Variants in ARHGAP45 observed in about 807,000 individuals in gnomAD.
ARHGAP45 encodes the protein rho GTPase-activating protein 45.
In ARHGAP45, 56 loss-of-function variants were observed where a neutral mutation model predicts 116.1. The observed-to-expected ratio is 0.48, with a 90% CI of 0.39 to 0.60. ARHGAP45 has a LOEUF of 0.60. Among genes scored for constraint, ARHGAP45 ranks in the 20% least tolerant of loss-of-function variants. The probability of loss-of-function intolerance (pLI) is 0.00; values close to 1 mark genes in which losing one functional copy is unlikely to be tolerated. For missense variants in ARHGAP45, 1,622 were observed against 1,601.0 expected, an observed-to-expected ratio of 1.01 and a Z score of -0.22; for synonymous variants, 866 against 701.7, an observed-to-expected ratio of 1.23 and a Z score of -3.70.
Position 1,080,454 on chromosome 19 carries a change from C to CT in ARHGAP45, c.1829-7dup. On this transcript the variant is annotated splice_polypyrimidine_tract_variant and intron_variant, in intron 14 of 22. Coordinates refer to ENST00000313093, the MANE Select transcript of ARHGAP45 (RefSeq NM_012292.5). ...CCCTGGCCCTTCACCAGAGACGCCT[C>CT]TTTCTCCAGCCGGGCGAGGACACCA... 1 of 1,612,586 alleles carries CT rather than the reference C, an allele frequency of 6.2e-7. No homozygotes were observed. Among genetic ancestry groups the CT allele is most frequent in the Non-Finnish European group, 8.5e-7 (1 of 1,179,868 alleles).
rs1159163562 is a variant in ARHGAP45, at chr19:1,074,422, G to A, written c.993+15G>A. The A allele has an allele frequency of 6.6e-7, 1 of 1,520,152 alleles. No homozygotes were observed. The highest frequency in any genetic ancestry group is 1.3e-5 in the South Asian group (1 of 79,132). The allele number at this position is 1,520,152 out of a possible 1,614,324, so 94.2% of individuals were successfully genotyped here. A position where few individuals can be genotyped will look rare whatever the true frequency, so the allele number is the denominator to read the frequency against. On this transcript the variant is annotated intron_variant, in intron 8 of 22. Transcript: ENST00000313093. Reference sequence around the variant, plus strand: ...TCATGCAGGAGGTGGGGGCCCCGCGGGCACGGGGCGGGGGTCCCTGGGCCC... The same window carrying A: ...TCATGCAGGAGGTGGGGGCCCCGCGAGCACGGGGCGGGGGTCCCTGGGCCC...
Position 1,078,074 on chromosome 19 carries a change from G to A in ARHGAP45, c.1374+29G>A, listed in dbSNP as rs1372361519. On this transcript the variant is annotated intron_variant, in intron 11 of 22. Coordinates refer to ENST00000313093, the MANE Select transcript of ARHGAP45 (RefSeq NM_012292.5). ...AGGGCGGGTGGAGGCAGGGCTGGAG[G>A]TCCCTGGAGGAGGAGATCCAATGCT... 2.6e-6 allele frequency: 4 copies of A among 1,534,126 alleles called. No individual in the cohort carries two copies. The African/African-American group carries it at 5.5e-5, about 21-fold the overall frequency.
intron 1 of ARHGAP45, among the ~76,000 whole-genome samples, chr19:1,067,828 C>A (rs1287819164): frequency 4.6e-5 from 7 of 151,954 alleles, no homozygotes; most frequent in Non-Finnish European, 1.0e-4. Flanking sequence ...GCTCTAGGGG[C>A]CGTTGAGATG....
chr19:1,074,906 G>A (rs1427666011), intron 10 of ARHGAP45, 27 bp downstream of exon 10: 7 of 1,408,716 alleles, frequency 5.0e-6, no homozygotes, highest in Non-Finnish European at 6.7e-6. Flanking sequence ...GGGGCGGGCG[G>A]GGGCGGGCAG....
At chr19:1,082,461 C>A (rs1599771159) in intron 19 of ARHGAP45, 2 of 271,478 alleles carry the variant, frequency 7.4e-6, no homozygotes. Context: ...CGGGGAAGGG[C>A]GGGACTGGGG....
chr19:1,074,783 G>T lies in ARHGAP45; in HGVS notation c.1105-16G>T. On this transcript the variant is annotated splice_polypyrimidine_tract_variant and intron_variant, in intron 9 of 22. Transcript: ENST00000313093. ...GGTGTCACCGGGGTACCCACTCACG[G>T]CCCGTCTCGCCCCAGCCCCTGACCC... 1.3e-6 allele frequency: 2 copies of T among 1,599,472 alleles called. No individual in the cohort carries two copies. Among genetic ancestry groups the T allele is most frequent in the African/African-American group, 2.7e-5 (2 of 74,812 alleles).
upstream of ARHGAP45, chr19:1,066,262 A>G: frequency 1.6e-6 from 1 of 614,464 alleles, no homozygotes; most frequent in Non-Finnish European, 2.4e-6. Context: ...GGGAGGGGGG[A>G]GAGAGTTCAC....
intron 21 of ARHGAP45, 49 bp from the exon 22 acceptor site, chr19:1,084,189 T>A: frequency 2.6e-6 from 4 of 1,537,558 alleles, no homozygotes; most frequent in Non-Finnish European, 3.6e-6. Context: ...ATTTATAACA[T>A]GGAAAATGGA....
intron 21 of ARHGAP45, 78 bp from the exon 22 acceptor site, chr19:1,084,160 T>G: frequency 7.5e-7 from 1 of 1,334,432 alleles, no homozygotes; most frequent in Non-Finnish European, 1.1e-6. Context: ...TGTTACGGGC[T>G]GTGTGGGTGG....
intron 7 of ARHGAP45, 40 bp downstream of exon 7, chr19:1,074,281 G>A (rs372343317): frequency 8.7e-6 from 14 of 1,611,850 alleles, no homozygotes; most frequent in Middle Eastern, 1.6e-4. Context: ...CTGGAGGGAG[G>A]GGGTTCTGGG....
chr19:1,082,808 A>G, intron 19 of ARHGAP45, 32 bp from the exon 20 acceptor site: 2 of 1,458,580 alleles, frequency 1.4e-6, no homozygotes, highest in Non-Finnish European at 1.8e-6. Flanking sequence ...GGCCAGGCCC[A>G]CCAACACCTG....
chr19:1,080,232 C>T, intron 13 of ARHGAP45, 23 bp from the exon 14 acceptor site: 8 of 1,612,002 alleles, frequency 5.0e-6, no homozygotes, highest in African/African-American at 1.3e-5. Context: ...ACCTCCCCTC[C>T]TTTTCCCGGT....
intron 9 of ARHGAP45, 22 bp from the exon 10 acceptor site, chr19:1,074,777 C>T (rs747753621): frequency 4.4e-6 from 7 of 1,600,268 alleles, no homozygotes; most frequent in South Asian, 1.1e-5. Context: ...GGGGTACCCA[C>T]TCACGGCCCG....
rs1233969051 is a variant in ARHGAP45 at position 1,086,153 on chromosome 19, G to A, written c.*147G>A. On this transcript the variant is annotated 3_prime_UTR_variant, in exon 23 of 23. Coordinates refer to ENST00000313093, the MANE Select transcript of ARHGAP45 (RefSeq NM_012292.5). ...GGACTTCGACGTCCCACCAGCGGGC[G>A]CCTCCTCCCAGAGGCTTCCAGGAGC... is the stretch of plus-strand genomic sequence containing the variant. The A allele has an allele frequency of 1.8e-5, 13 of 703,282 alleles. No individual in the cohort carries two copies. Among genetic ancestry groups the A allele is most frequent in the South Asian group, 5.5e-5 (3 of 54,496 alleles). The allele number at this position is 703,282 out of a possible 1,614,324, so 43.6% of individuals were successfully genotyped here.
chr19:1,082,571 G>A, intron 19 of ARHGAP45: 1 of 514,842 alleles, frequency 1.9e-6, no homozygotes, highest in Non-Finnish European at 3.4e-6. Context: ...ACTATGCTGA[G>A]TGGAGCCGGA....
At chr19:1,066,921 T>C (rs1250275329), upstream of ARHGAP45, among the ~76,000 whole-genome samples, 2 of 152,210 alleles carry the variant, frequency 1.3e-5, no homozygotes, top group East Asian at 3.9e-4. Flanking sequence ...CTCCAGGGGC[T>C]TGGTGGCGTC....
intron 11 of ARHGAP45, among the ~76,000 whole-genome samples, chr19:1,078,868 C>T (rs938062907): frequency 1.1e-4 from 17 of 151,760 alleles, no homozygotes; most frequent in Non-Finnish European, 2.2e-4. Context: ...AGGCGTGTGC[C>T]GCCACACCCA....
chr19:1,085,517 C>G, intron 22 of ARHGAP45, 143 bp from the exon 23 acceptor site: 1 of 630,960 alleles, frequency 1.6e-6, no homozygotes, highest in Non-Finnish European at 2.7e-6. Flanking sequence ...TCCTCCATCT[C>G]TCCTGTCTCT....
In ARHGAP45 at chr19:1,083,230, C is replaced by A; in HGVS notation, c.2832C>A (p.Thr944=). Residue 944 remains threonine, a synonymous_variant, in exon 21 of 23, where the codon ACC becomes ACA. Transcript: ENST00000313093. Reference sequence around the variant, plus strand: ...CCACGCTGCTTCGGCCACGGCCCACCGAGGCCACCGTGTCCCTCTCCTCCC... The same window carrying A: ...CCACGCTGCTTCGGCCACGGCCCACAGAGGCCACCGTGTCCCTCTCCTCCC... ...FGPTLLRPRP[T]EATVSLSSLV... The A allele has an allele frequency of 6.2e-7, 1 of 1,607,820 alleles. No homozygotes were observed.
Sources: allele counts gnomAD v4.1 joint callset (sites outside exome capture counted in the v4.1 genomes callset), GRCh38; gene constraint gnomAD v4.1.1; transcripts MANE v1.5; gene names NCBI Gene and HGNC (gene_info 2026-07-23, HGNC 2026-07-21).